The following GATAD2A variants were observed in gnomAD, a reference collection of about 807,000 sequenced individuals.
GATAD2A encodes transcriptional repressor p66-alpha.
A neutral mutation model predicts 68.5 loss-of-function variants in GATAD2A; 12 were observed. That is an observed-to-expected ratio of 0.18 (90% CI 0.11 to 0.28). The LOEUF (loss-of-function observed/expected upper bound fraction) is 0.28, where lower values mean the gene tolerates loss of function less well. GATAD2A is among the 10% of genes least tolerant of loss of function. GATAD2A has a pLI of 1.00. For missense variants in GATAD2A, 755 were observed against 868.5 expected, an observed-to-expected ratio of 0.87 and a Z score of 1.64; for synonymous variants, 410 against 375.3, an observed-to-expected ratio of 1.09 and a Z score of -1.07.
chr19:19,479,932 G>A (rs1419435321), intron 2 of GATAD2A, among the ~76,000 whole-genome samples: 5 of 148,434 alleles, frequency 3.4e-5, no homozygotes, highest in African/African-American at 1.2e-4. Context: ...CTGCCTCCCA[G>A]GTTCTAGTGA....
chr19:19,434,969 A>G, intron 1 of GATAD2A: 2 of 382,256 alleles, frequency 5.2e-6, no homozygotes, highest in South Asian at 1.9e-5. Flanking sequence ...TTCACCAGGA[A>G]TGGTGGCTGG....
At chr19:19,472,072 A>C (rs556879769) in intron 2 of GATAD2A, among the ~76,000 whole-genome samples, 1 of 152,166 alleles carries the variant, frequency 6.6e-6, no homozygotes, top group African/African-American at 2.4e-5. Context: ...TTTTTAAAAA[A>C]TTTTTTGTAG....
At chr19:19,501,034 C>T (rs2060490714) in intron 8 of GATAD2A, 84 bp from the exon 9 acceptor site, 1 of 1,249,660 alleles carries the variant, frequency 8.0e-7, no homozygotes, top group South Asian at 1.4e-5. Flanking sequence ...GCGACTGAGA[C>T]TCCAGCATCC....
chr19:19,422,821 T>C (rs4808198), intron 1 of GATAD2A, among the ~76,000 whole-genome samples: 65,206 of 151,276 alleles, frequency 0.43, 15,434 homozygotes, highest in African/African-American at 0.63. Context: ...ATGCCACTCT[T>C]CTGCCTCAGC....
rs575522589 is a variant in GATAD2A at position 19,474,983 on chromosome 19, C to T, written c.269+9369C>T. Among the ~76,000 whole-genome samples, 9 of 152,354 alleles carry T rather than the reference C, an allele frequency of 5.9e-5. No individual in the cohort carries two copies. The South Asian group carries it at 1.9e-3, about 32-fold the overall frequency. On this transcript the variant is annotated intron_variant, in intron 2 of 11. Transcript: ENST00000683918. ...CGAGGCCAGGCAGAAGAGCCCACTG[C>T]CCCTTGTGCTAGTCAGTCACATAGC...
intron 1 of GATAD2A, among the ~76,000 whole-genome samples, chr19:19,453,807 G>C (rs2056641718): frequency 6.6e-6 from 1 of 151,792 alleles, no homozygotes; most frequent in African/African-American, 2.4e-5. Flanking sequence ...GGGATTACAG[G>C]TGCCCGCCAC....
chr19:19,489,605 CCT>C (rs2059653774), intron 2 of GATAD2A, among the ~76,000 whole-genome samples: 1 of 152,218 alleles, frequency 6.6e-6, no homozygotes, highest in Non-Finnish European at 1.5e-5. Context: ...GCAGAGCAGC[CCT>C]CTCAGGCAGC....
intron 1 of GATAD2A, among the ~76,000 whole-genome samples, chr19:19,454,492 A>G (rs978337400): frequency 2.6e-5 from 4 of 151,862 alleles, no homozygotes; most frequent in Non-Finnish European, 4.4e-5. Context: ...CCAGCTACTC[A>G]GGAGGCTGAG....
chr19:19,402,717 C>T (rs1168643956), upstream of GATAD2A: 4 of 145,682 alleles, frequency 2.7e-5, no homozygotes, highest in Non-Finnish European at 3.0e-5. Context: ...AAAGAAAGTA[C>T]AGTATTAATT....
At chr19:19,478,227 C>T (rs891247498) in intron 2 of GATAD2A, among the ~76,000 whole-genome samples, 1 of 152,120 alleles carries the variant, frequency 6.6e-6, no homozygotes, top group Non-Finnish European at 1.5e-5. Flanking sequence ...AGCACTGGCA[C>T]CTCCCCTTTT....
chr19:19,461,782 G>A (rs779710318), intron 1 of GATAD2A, among the ~76,000 whole-genome samples: 9 of 152,228 alleles, frequency 5.9e-5, no homozygotes, highest in Non-Finnish European at 1.0e-4. Context: ...TCCGGCCTGG[G>A]GTGTTTGGAG....
chr19:19,502,805 C>T (rs370392231), intron 11 of GATAD2A, among the ~76,000 whole-genome samples: 2 of 152,242 alleles, frequency 1.3e-5, no homozygotes, highest in African/African-American at 4.8e-5. Context: ...GAGGGTGCCC[C>T]CACAGCCATC....
intron 1 of GATAD2A, among the ~76,000 whole-genome samples, chr19:19,393,673 G>A (rs1357034129): frequency 6.6e-6 from 1 of 152,136 alleles, no homozygotes; most frequent in African/African-American, 2.4e-5. Context: ...GGGAGCTTCA[G>A]GTGGGGTTTC....
At chr19:19,421,346 C>T (rs1320073032) in intron 1 of GATAD2A, among the ~76,000 whole-genome samples, 1 of 152,150 alleles carries the variant, frequency 6.6e-6, no homozygotes, top group East Asian at 1.9e-4. Flanking sequence ...CGCCCCTGCC[C>T]CTATGGCCCT....
At chr19:19,429,863 A>C (rs2053538598) in intron 1 of GATAD2A, among the ~76,000 whole-genome samples, 1 of 151,972 alleles carries the variant, frequency 6.6e-6, no homozygotes, top group African/African-American at 2.4e-5. Context: ...CTAGTCTGCC[A>C]AGTCATACTC....
At position 19,420,582 on chromosome 19, in the gene GATAD2A, C is replaced by G. The variant is rs191471257; in HGVS notation, c.-7+14563C>G. Among the ~76,000 whole-genome samples the G allele has an allele frequency of 8.6e-5, 13 of 151,710 alleles. No individual in the cohort carries two copies. In the South Asian group the frequency reaches 2.7e-3, roughly 32 times the overall value. Reference sequence around the variant, plus strand: ...ATCTCGATCTCCTGACCTCGTGATCCGCCCGCCTTGGCCTCCGAAAGTGCT... The same window carrying G: ...ATCTCGATCTCCTGACCTCGTGATCGGCCCGCCTTGGCCTCCGAAAGTGCT... On this transcript the variant is annotated intron_variant, in intron 1 of 11. Coordinates refer to ENST00000683918, the MANE Select transcript of GATAD2A (RefSeq NM_001384528.1).
chr19:19,390,150 G>C (rs941146094), intron 1 of GATAD2A, among the ~76,000 whole-genome samples: 1 of 152,228 alleles, frequency 6.6e-6, no homozygotes, highest in Non-Finnish European at 1.5e-5. Flanking sequence ...AGCCAGTTCA[G>C]ATTCTGGTGC....
intron 1 of GATAD2A, among the ~76,000 whole-genome samples, chr19:19,415,941 C>T (rs986110754): frequency 7.3e-6 from 1 of 137,372 alleles, no homozygotes; most frequent in Non-Finnish European, 1.5e-5. Flanking sequence ...GAGCATAAAA[C>T]TACTTTTCCC....
chr19:19,439,888 A>G (rs1197602777), intron 1 of GATAD2A, among the ~76,000 whole-genome samples: 1 of 152,068 alleles, frequency 6.6e-6, no homozygotes, highest in East Asian at 1.9e-4. Flanking sequence ...GCAAAAAGAC[A>G]TGTGTTTACT....
Sources: gnomAD v4.1 joint callset for allele counts (sites outside exome capture counted in the v4.1 genomes callset) on GRCh38, gnomAD v4.1.1 for gene constraint, MANE v1.5 for transcripts, NCBI Gene and HGNC (gene_info 2026-07-23, HGNC 2026-07-21) for gene names.